COL15A1: variants seen among roughly 807,000 people sequenced by gnomAD.
The protein encoded by COL15A1 is collagen alpha-1(XV) chain.
COL15A1 carries 111 observed loss-of-function variants against 165.9 expected under a neutral mutation model. That is an observed-to-expected ratio of 0.67 (90% CI 0.57 to 0.78). The LOEUF (loss-of-function observed/expected upper bound fraction) is 0.78. Ranked by LOEUF, COL15A1 falls within the 30% of genes least tolerant of loss-of-function variation. COL15A1 has a pLI of 0.00. For missense variants in COL15A1, 1,745 were observed against 1,789.7 expected (o/e 0.98, Z 0.45); for synonymous variants, 659 against 674.8 (o/e 0.98, Z 0.36).
chr9:99,003,722 T>C (rs1838705878), intron 8 of COL15A1, 135 bp downstream of exon 8: 3 of 977,174 alleles, frequency 3.1e-6, no homozygotes, highest in Middle Eastern at 3.4e-4. Flanking sequence ...TCTGTCGGAG[T>C]AAGCACTAAA....
At chr9:99,000,027 C>T (rs1254658297) in intron 6 of COL15A1, among the ~76,000 whole-genome samples, 1 of 152,028 alleles carries the variant, frequency 6.6e-6, no homozygotes, top group African/African-American at 2.4e-5. Flanking sequence ...TGTGGAATCA[C>T]ACCTGGCTAA....
chr9:99,044,362 A>G (rs1271665085), intron 24 of COL15A1, among the ~76,000 whole-genome samples: 1 of 152,130 alleles, frequency 6.6e-6, no homozygotes, highest in Non-Finnish European at 1.5e-5. Flanking sequence ...ACATTCATTC[A>G]TTTAGGAGGC....
intron 40 of COL15A1, among the ~76,000 whole-genome samples, chr9:99,067,851 G>C (rs1307067159): frequency 6.6e-6 from 1 of 152,106 alleles, no homozygotes; most frequent in African/African-American, 2.4e-5. Context: ...TCAGGAAAAG[G>C]ACTAAAAAGT....
chr9:99,019,247 G>GC (rs1471446248), intron 11 of COL15A1, among the ~76,000 whole-genome samples: 1 of 152,188 alleles, frequency 6.6e-6, no homozygotes, highest in Non-Finnish European at 1.5e-5. Flanking sequence ...AGACTAGAGT[G>GC]CAGTGGCGTG....
At chr9:99,056,540 T>A (rs1389036119) in intron 35 of COL15A1, 136 bp downstream of exon 35, 5 of 1,304,740 alleles carry the variant, frequency 3.8e-6, no homozygotes, top group East Asian at 2.6e-5. Flanking sequence ...CTTTTTTTTT[T>A]AATTGAGATA....
intron 2 of COL15A1, among the ~76,000 whole-genome samples, chr9:98,951,910 A>G (rs773390960): frequency 1.3e-5 from 2 of 152,094 alleles, no homozygotes; most frequent in Admixed American, 6.6e-5. Context: ...GGACCCCCAA[A>G]TCATCCTTCT....
intron 40 of COL15A1, among the ~76,000 whole-genome samples, chr9:99,067,446 A>G (rs1260462416): frequency 6.6e-6 from 1 of 152,182 alleles, no homozygotes; most frequent in Non-Finnish European, 1.5e-5. Context: ...ATCACTGCAA[A>G]CTAGGGCACT....
intron 2 of COL15A1, among the ~76,000 whole-genome samples, chr9:98,945,890 G>A (rs376327098): frequency 2.0e-5 from 3 of 152,288 alleles, no homozygotes; most frequent in African/African-American, 7.2e-5. Flanking sequence ...CTCCTCCTGT[G>A]TGTGTCTCTG....
At chr9:99,057,037 G>A (rs745787632) in intron 35 of COL15A1, among the ~76,000 whole-genome samples, 4 of 152,176 alleles carry the variant, frequency 2.6e-5, no homozygotes, top group Non-Finnish European at 4.4e-5. Flanking sequence ...ATGTGAACAT[G>A]TTTTCCGTTC....
chr9:99,068,651 A>C lies in COL15A1; in HGVS notation c.3934A>C (p.Ile1312Leu), dbSNP rs115872058. Residue 1312 changes from isoleucine (I) to leucine (L), a missense_variant, in exon 41 of 42, where the codon ATA (isoleucine) becomes CTA (leucine). Transcript: ENST00000375001. The part of the protein sequence containing the change: ...IPIYSFDGRD[I>L]MTDPSWPQKV... ...AATATACTCCTTTGATGGTCGAGAC[A>C]TAATGACAGATCCTTCTTGGTAAGT... is the stretch of plus-strand genomic sequence containing the variant. 7.3e-4 allele frequency: 1,135 copies of C among 1,559,982 alleles called. 13 individuals are homozygous for C. In the African/African-American group the frequency reaches 0.014, roughly 19 times the overall value.
chr9:99,014,308 G>C (rs1315938107), intron 9 of COL15A1, among the ~76,000 whole-genome samples: 1 of 152,144 alleles, frequency 6.6e-6, no homozygotes, highest in South Asian at 2.1e-4. Flanking sequence ...TGCCTTCCCT[G>C]TTAGAAATGA....
chr9:99,020,216 T>C (rs1314337391), intron 11 of COL15A1, among the ~76,000 whole-genome samples, 173 bp from the exon 12 acceptor site: 1 of 152,152 alleles, frequency 6.6e-6, no homozygotes, highest in Non-Finnish European at 1.5e-5. Flanking sequence ...GTGCAGGGGA[T>C]GGTGCAGTGA....
chr9:99,037,948 GGAGA>G lies in COL15A1; in HGVS notation c.2410-717_2410-714del, dbSNP rs553531017. ...GTGTGTGTAGAGAATGATGGAAATT[GGAGA>G]GAAGGCTGGAATGTGGGCTGGGACC... On this transcript the variant is annotated intron_variant, in intron 21 of 41. Transcript: ENST00000375001. Among the ~76,000 whole-genome samples the G allele has an allele frequency of 2.0e-3, 302 of 152,256 alleles. 1 individual carries two copies. The highest frequency in any genetic ancestry group is 8.4e-3 in the Admixed American group (129 of 15,290).
At chr9:99,024,279 T>TG (rs1425666305) in intron 14 of COL15A1, among the ~76,000 whole-genome samples, 2 of 136,460 alleles carry the variant, frequency 1.5e-5, no homozygotes, top group Admixed American at 1.5e-4. Flanking sequence ...TTTTTTTTGT[T>TG]TTTTTGTTTT....
At chr9:98,962,085 C>T (rs760729531) in intron 2 of COL15A1, among the ~76,000 whole-genome samples, 1 of 152,248 alleles carries the variant, frequency 6.6e-6, no homozygotes, top group Non-Finnish European at 1.5e-5. Context: ...GTCTATACAA[C>T]GAAGAGGTCG....
chr9:99,062,078 A>G lies in COL15A1; in HGVS notation c.3510A>G (p.Arg1170=), dbSNP rs1825825035. ...RDSTEFFIRV[R]DGWKKLQLGE... Reference sequence around the variant, plus strand: ...GCACTGAGTTTTTCATTCGTGTTAGAGATGGCTGGAAAAAATTACAGGTAA... The same window carrying G: ...GCACTGAGTTTTTCATTCGTGTTAGGGATGGCTGGAAAAAATTACAGGTAA... The change falls in exon 37 of 42, where the codon AGA becomes AGG. Residue 1170 remains arginine, a synonymous_variant. Transcript: ENST00000375001. The G allele has an allele frequency of 4.3e-6, 7 of 1,614,152 alleles. No individual in the cohort carries two copies. The African/African-American group carries it at 6.7e-5, about 15-fold the overall frequency.
Position 99,040,542 on chromosome 9 carries a change from C to G in COL15A1, c.2497C>G (p.Leu833Val). The change falls in exon 23 of 42, where the codon CTG (leucine) becomes GTG (valine). Residue 833 changes from leucine (L) to valine (V), a missense_variant. By Grantham distance (32) the Leu-to-Val change is conservative (BLOSUM62 1). Coordinates refer to ENST00000375001, the MANE Select transcript of COL15A1 (RefSeq NM_001855.5). The part of the protein sequence containing the change: ...GPPGPDGLPG[L>V]PGFPGPRGPK... ...ACAGGGGCCGGACGGGTTGCCTGGG[C>G]TGCCAGGATTTCCAGTAAGTACCAC... The G allele has an allele frequency of 6.2e-7, 1 of 1,614,174 alleles. No individual in the cohort carries two copies. The highest frequency in any genetic ancestry group is 1.1e-5 in the South Asian group (1 of 91,080).
At chr9:99,020,507 T>G in intron 12 of COL15A1, 65 bp downstream of exon 12, 1 of 1,181,716 alleles carries the variant, frequency 8.5e-7, no homozygotes, top group Non-Finnish European at 1.3e-6. Context: ...ACATGTTATT[T>G]AGGTTTGATT....
intron 2 of COL15A1, among the ~76,000 whole-genome samples, chr9:98,955,847 A>G (rs1837767045): frequency 6.6e-6 from 1 of 152,172 alleles, no homozygotes; most frequent in Non-Finnish European, 1.5e-5. Context: ...CTCCTCTCCA[A>G]CTACAATCTT....
Sources: gnomAD v4.1 joint callset for allele counts (sites outside exome capture counted in the v4.1 genomes callset) on GRCh38, gnomAD v4.1.1 for gene constraint, MANE v1.5 for transcripts, NCBI Gene and HGNC (gene_info 2026-07-23, HGNC 2026-07-21) for gene names.